ATXN10: variants seen among roughly 807,000 people sequenced by gnomAD.
The protein encoded by ATXN10 is ataxin 10, also known as ataxin-10.
Under a neutral mutation model 52.9 loss-of-function variants are expected in ATXN10, and 28 were observed. The ratio of observed to expected loss-of-function variants is 0.53; its 90% CI spans 0.39 to 0.73. The LOEUF (loss-of-function observed/expected upper bound fraction) is 0.73, where lower values mean the gene tolerates loss of function less well. ATXN10 is among the 30% of genes least tolerant of loss of function. The pLI, the probability that ATXN10 is intolerant of heterozygous loss-of-function variation, is 0.00. For synonymous variants in ATXN10, 226 were observed against 221.5 expected, an observed-to-expected ratio of 1.02 and a Z score of -0.18; for missense variants, 565 against 577.0, an observed-to-expected ratio of 0.98 and a Z score of 0.21.
rs1195472433 is a variant in ATXN10 at position 45,754,798 on chromosome 22, T to G, written c.1173+14260T>G. On this transcript the variant is annotated intron_variant, in intron 9 of 11. Transcript: ENST00000252934. This position sits in a 1 kb window ranked among gnomAD's most constrained non-coding sequence, Gnocchi z 5.4. ...TGAACTCTGGAGGCAGAGGTTGCAG[T>G]GAGCTGAGATCGTGCCACTGCACTC... Among the ~76,000 whole-genome samples the G allele has an allele frequency of 6.6e-6, 1 of 152,224 alleles. No homozygotes were observed. Among genetic ancestry groups the G allele is most frequent in the Non-Finnish European group, 1.5e-5 (1 of 68,034 alleles).
At chr22:45,738,617 C>A in intron 7 of ATXN10, 114 bp from the exon 8 acceptor site, 29 of 871,960 alleles carry the variant, frequency 3.3e-5, no homozygotes, top group East Asian at 5.9e-5. Flanking sequence ...TGACTTATTA[C>A]AAGCACAGAC....
At chr22:45,674,701 G>A (rs999438410) in intron 1 of ATXN10, 1 of 152,288 alleles carries the variant, frequency 6.6e-6, no homozygotes, top group Admixed American at 6.5e-5. Context: ...CAGGCAAAAT[G>A]AGTCCTCAGT....
intron 10 of ATXN10, among the ~76,000 whole-genome samples, chr22:45,822,060 T>C (rs1928667104): frequency 6.6e-6 from 1 of 152,224 alleles, no homozygotes; most frequent in African/African-American, 2.4e-5. Context: ...TTGGCCGTCT[T>C]TGAAGTTCAT....
At chr22:45,821,835 G>A (rs1245054254) in intron 10 of ATXN10, among the ~76,000 whole-genome samples, 4 of 152,070 alleles carry the variant, frequency 2.6e-5, no homozygotes, top group African/African-American at 9.7e-5. Context: ...GAAATGTAAC[G>A]TGCATACTGA....
chr22:45,839,749 T>G (rs991096942), intron 10 of ATXN10, among the ~76,000 whole-genome samples: 1 of 152,204 alleles, frequency 6.6e-6, no homozygotes, highest in Admixed American at 6.5e-5. Context: ...GGTGTTTTGT[T>G]GTCATGGACC....
intron 3 of ATXN10, among the ~76,000 whole-genome samples, chr22:45,698,311 G>A (rs1416176835): frequency 2.0e-5 from 3 of 152,156 alleles, no homozygotes; most frequent in Admixed American, 6.5e-5. Flanking sequence ...TTCTTTCTGT[G>A]TTGTAGTCAT....
intron 1 of ATXN10, among the ~76,000 whole-genome samples, chr22:45,680,800 T>C (rs1309817462): frequency 2.0e-5 from 3 of 152,060 alleles, no homozygotes; most frequent in Non-Finnish European, 4.4e-5. Context: ...CTCTTCTGAC[T>C]CCCCAGTTCT....
chr22:45,758,668 GT>G (rs1006354344), intron 9 of ATXN10, among the ~76,000 whole-genome samples: 33 of 152,360 alleles, frequency 2.2e-4, no homozygotes, highest in African/African-American at 6.0e-4. Context: ...CTGGCCATGT[GT>G]TTGCACACGC....
In ATXN10 at chr22:45,835,284, G is replaced by A. The variant is rs927472509; in HGVS notation, c.1238-7707G>A. ...TGCTTTGCCTGGCGCGGGCGCTTGA[G>A]CTTTCACATCTGGGACTGGTGAGGG... On this transcript the variant is annotated intron_variant, in intron 10 of 11. Coordinates refer to ENST00000252934, the MANE Select transcript of ATXN10 (RefSeq NM_013236.4). The surrounding 1 kb of genome is among the most constrained non-coding windows in gnomAD (Gnocchi z 5.0). Among the ~76,000 whole-genome samples the A allele has an allele frequency of 2.0e-5, 3 of 152,204 alleles. No homozygotes were observed. Among genetic ancestry groups the A allele is most frequent in the Non-Finnish European group, 2.9e-5 (2 of 68,048 alleles).
At position 45,696,436 on chromosome 22, in the gene ATXN10, G is replaced by C. The variant is rs533430217; in HGVS notation, c.391+3358G>C. ...GGAGGTTTCTCTTTTAATGATATAT[G>C]CTAAATAAAGAAGCAAAGGGGAAGT... On this transcript the variant is annotated intron_variant, in intron 3 of 11. Transcript: ENST00000252934. The surrounding 1 kb of genome is among the most constrained non-coding windows in gnomAD (Gnocchi z 4.7). 1.4e-4 allele frequency among the ~76,000 whole-genome samples: 21 copies of C among 152,288 alleles called. No homozygotes were observed. In the South Asian group the frequency reaches 1.7e-3, roughly 12 times the overall value.
rs564644036 is a variant in ATXN10, at chr22:45,784,267, G to A, written c.1174-22692G>A. Among the ~76,000 whole-genome samples, 1 of 152,244 alleles carries A rather than the reference G, an allele frequency of 6.6e-6. No individual in the cohort carries two copies. Among genetic ancestry groups the A allele is most frequent in the East Asian group, 1.9e-4 (1 of 5,192 alleles). ...GACTGTGAACAAATTAACCCTTACAGATTTCATTTTCTTTATCTGTCATCT... is the reference window on the plus strand; with the variant it reads ...GACTGTGAACAAATTAACCCTTACAAATTTCATTTTCTTTATCTGTCATCT... On this transcript the variant is annotated intron_variant, in intron 9 of 11. Coordinates refer to ENST00000252934, the MANE Select transcript of ATXN10 (RefSeq NM_013236.4). The surrounding 1 kb of genome is among the most constrained non-coding windows in gnomAD (Gnocchi z 4.2).
chr22:45,800,281 T>A (rs1160857431), intron 9 of ATXN10, among the ~76,000 whole-genome samples: 1 of 152,214 alleles, frequency 6.6e-6, no homozygotes, highest in Non-Finnish European at 1.5e-5. Context: ...TACAACTCGA[T>A]GAGAAGAAAA....
chr22:45,723,846 C>A (rs1378338291), intron 6 of ATXN10, among the ~76,000 whole-genome samples: 1 of 151,838 alleles, frequency 6.6e-6, no homozygotes, highest in East Asian at 1.9e-4. Flanking sequence ...ATCCCAGCTA[C>A]TCGGGGAGGT....
At chr22:45,735,611 A>G (rs1925262115) in intron 7 of ATXN10, among the ~76,000 whole-genome samples, 1 of 152,216 alleles carries the variant, frequency 6.6e-6, no homozygotes, top group Non-Finnish European at 1.5e-5. Flanking sequence ...GTTGCAGTCC[A>G]GGCAGATATA....
At chr22:45,719,781 C>T (rs1251861505) in intron 6 of ATXN10, among the ~76,000 whole-genome samples, 2 of 152,144 alleles carry the variant, frequency 1.3e-5, no homozygotes, top group Non-Finnish European at 2.9e-5. Flanking sequence ...TCAGTTGTCA[C>T]CTCCTCTTGC....
intron 9 of ATXN10, among the ~76,000 whole-genome samples, chr22:45,755,654 A>G (rs774921558): frequency 2.0e-5 from 3 of 152,200 alleles, no homozygotes; most frequent in Non-Finnish European, 4.4e-5. Flanking sequence ...GGTTTCTTCT[A>G]TAGATTGGAA....
chr22:45,735,587 C>G (rs761608230), intron 7 of ATXN10, among the ~76,000 whole-genome samples: 2 of 152,128 alleles, frequency 1.3e-5, no homozygotes, highest in African/African-American at 2.4e-5. Flanking sequence ...AGAAACTGAT[C>G]TATCAACAAA....
chr22:45,731,175 C>G (rs531842700), intron 7 of ATXN10, among the ~76,000 whole-genome samples: 2 of 152,320 alleles, frequency 1.3e-5, no homozygotes, highest in African/African-American at 4.8e-5. Context: ...AAAAGGGATG[C>G]ACTTGTGATA....
Position 45,840,649 on chromosome 22 carries a change from G to A in ATXN10, c.1238-2342G>A, listed in dbSNP as rs1183763744. On this transcript the variant is annotated intron_variant, in intron 10 of 11. Coordinates refer to ENST00000252934, the MANE Select transcript of ATXN10 (RefSeq NM_013236.4). This position sits in a 1 kb window ranked among gnomAD's most constrained non-coding sequence, Gnocchi z 5.8. ...TGCCCTGGAGTGGAGCAGTTTGATA[G>A]TCCCTTTCCTCCAGAGACATCCTGC... 6.6e-6 allele frequency among the ~76,000 whole-genome samples: 1 copy of A among 152,212 alleles called. No individual in the cohort carries two copies. The highest frequency in any genetic ancestry group is 1.5e-5 in the Non-Finnish European group (1 of 68,038).
Sources: gnomAD v4.1 joint callset for allele counts (sites outside exome capture counted in the v4.1 genomes callset) on GRCh38, gnomAD v4.1.1 for gene constraint, Gnocchi (gnomAD v3.1) non-coding constraint, MANE v1.5 for transcripts, NCBI Gene and HGNC (gene_info 2026-07-23, HGNC 2026-07-21) for gene names.